Variants in SFXN5 observed in about 807,000 individuals in gnomAD.
SFXN5 encodes sideroflexin-5.
A neutral mutation model predicts 50.2 loss-of-function variants in SFXN5; 43 were observed. The observed-to-expected ratio is 0.86, with a 90% CI of 0.67 to 1.11. SFXN5 has a LOEUF of 1.11. SFXN5 is among the 50% of genes least tolerant of loss of function. SFXN5 has a pLI of 0.00. For missense variants in SFXN5, 463 were observed against 454.1 expected, an observed-to-expected ratio of 1.02 and a Z score of -0.18; for synonymous variants, 203 against 185.8, an observed-to-expected ratio of 1.09 and a Z score of -0.75.
chr2:73,010,850 A>C (rs949346689), intron 6 of SFXN5, among the ~76,000 whole-genome samples: 3 of 152,258 alleles, frequency 2.0e-5, no homozygotes, highest in Admixed American at 6.5e-5. Flanking sequence ...AGATCACTAT[A>C]TATGAAAACA....
rs933420865 is a variant in SFXN5 at position 73,016,431 on chromosome 2, G to A, written c.357+3808C>T. Reference sequence around the variant, plus strand: ...AGATATATCAAGTGGAAGAGCTGGGGCAGTGGCTCACACCTGTAATCCCAA... The same window carrying A: ...AGATATATCAAGTGGAAGAGCTGGGACAGTGGCTCACACCTGTAATCCCAA... On this transcript the variant is annotated intron_variant, in intron 6 of 13. Transcript: ENST00000272433. Among the ~76,000 whole-genome samples, 3 of 152,162 alleles carry A rather than the reference G, an allele frequency of 2.0e-5. No homozygotes were observed. In the East Asian group the frequency reaches 5.8e-4, roughly 29 times the overall value.
In SFXN5 at chr2:72,961,521, C is replaced by T. The variant is rs867796609; in HGVS notation, c.828-273G>A. Among the ~76,000 whole-genome samples the T allele has an allele frequency of 6.6e-6, 1 of 152,202 alleles. No individual in the cohort carries two copies. The highest frequency in any genetic ancestry group is 1.5e-5 in the Non-Finnish European group (1 of 68,030). On this transcript the variant is annotated intron_variant, in intron 12 of 13. Transcript: ENST00000272433. This position sits in a 1 kb window ranked among gnomAD's most constrained non-coding sequence, Gnocchi z 4.4. ...TACTCAGGTCACGAATGAGTACTTT[C>T]GGGGCACCCACCCGCCACGCGTCCA...
At chr2:73,060,025 T>C (rs968730907) in intron 1 of SFXN5, among the ~76,000 whole-genome samples, 3 of 152,172 alleles carry the variant, frequency 2.0e-5, no homozygotes, top group African/African-American at 7.2e-5. Flanking sequence ...TAAAATTTTA[T>C]GAAATGCATA....
chr2:72,982,602 G>A (rs1324926794), intron 10 of SFXN5, among the ~76,000 whole-genome samples: 1 of 152,204 alleles, frequency 6.6e-6, no homozygotes, highest in East Asian at 1.9e-4. Flanking sequence ...TAATGGGGGA[G>A]GCAGGCTTGG....
rs1430820461 is a variant in SFXN5 at position 72,950,761 on chromosome 2, T to G, written c.946-5662A>C. On this transcript the variant is annotated intron_variant, in intron 13 of 13. Coordinates refer to ENST00000272433, the MANE Select transcript of SFXN5 (RefSeq NM_144579.3). The surrounding 1 kb of genome is among the most constrained non-coding windows in gnomAD (Gnocchi z 4.2). Reference sequence around the variant, plus strand: ...AGGTCTGAGCAAAGGCAATAAAGCATCTCTTCCTGCTGCCCAACCAACTCC... The same window carrying G: ...AGGTCTGAGCAAAGGCAATAAAGCAGCTCTTCCTGCTGCCCAACCAACTCC... Among the ~76,000 whole-genome samples, 1 of 152,180 alleles carries G rather than the reference T, an allele frequency of 6.6e-6. No homozygotes were observed. Among genetic ancestry groups the G allele is most frequent in the African/African-American group, 2.4e-5 (1 of 41,440 alleles).
intron 2 of SFXN5, among the ~76,000 whole-genome samples, chr2:73,047,732 T>G (rs778901039): frequency 3.1e-4 from 47 of 152,170 alleles, no homozygotes; most frequent in Non-Finnish European, 5.7e-4. Context: ...ATGAGTCCAT[T>G]AAACCTCTTT....
chr2:72,988,443 AG>A, intron 9 of SFXN5, 95 bp from the exon 10 acceptor site: 1 of 1,066,006 alleles, frequency 9.4e-7, no homozygotes, highest in Non-Finnish European at 1.4e-6. Context: ...TCAGAGAGTG[AG>A]GGATGTCATC....
At chr2:73,000,573 C>G in intron 7 of SFXN5, 86 bp from the exon 8 acceptor site, 1 of 1,264,472 alleles carries the variant, frequency 7.9e-7, no homozygotes, top group South Asian at 1.3e-5. Flanking sequence ...CACACATCCC[C>G]AGAAAGGCAC....
intron 3 of SFXN5, among the ~76,000 whole-genome samples, chr2:73,033,439 C>G (rs1400992425): frequency 2.0e-5 from 3 of 152,138 alleles, no homozygotes; most frequent in African/African-American, 7.2e-5. Flanking sequence ...AAGAGGATAG[C>G]AAGTGTGAGC....
intron 13 of SFXN5, among the ~76,000 whole-genome samples, chr2:72,951,351 C>A (rs72918372): frequency 0.061 from 9,263 of 152,114 alleles, 743 homozygotes; most frequent in African/African-American, 0.19. Flanking sequence ...TCCTATCCAG[C>A]GTCTCCCCAG....
chr2:72,993,830 T>C (rs1421512089), intron 9 of SFXN5, among the ~76,000 whole-genome samples: 1 of 152,116 alleles, frequency 6.6e-6, no homozygotes, highest in African/African-American at 2.4e-5. Context: ...GGCCCTGTCT[T>C]ATAGGCGGCA....
intron 6 of SFXN5, among the ~76,000 whole-genome samples, chr2:73,018,625 T>C (rs558876595): frequency 2.8e-4 from 43 of 152,358 alleles, no homozygotes; most frequent in African/African-American, 1.0e-3. Context: ...AAATATTCTG[T>C]TCTCAATTAG....
At chr2:72,984,263 G>A (rs1022943466) in intron 10 of SFXN5, among the ~76,000 whole-genome samples, 1 of 152,266 alleles carries the variant, frequency 6.6e-6, no homozygotes, top group Non-Finnish European at 1.5e-5. Context: ...CTCTCTCCAA[G>A]GGGAGAGAAA....
At chr2:72,985,296 A>C (rs1173863751) in intron 10 of SFXN5, among the ~76,000 whole-genome samples, 1 of 152,032 alleles carries the variant, frequency 6.6e-6, no homozygotes, top group Non-Finnish European at 1.5e-5. Context: ...GGAGACCTGC[A>C]GTGAACCCCG....
intron 6 of SFXN5, among the ~76,000 whole-genome samples, chr2:73,002,820 C>T (rs1674081041): frequency 6.6e-6 from 1 of 151,744 alleles, no homozygotes; most frequent in Non-Finnish European, 1.5e-5. Context: ...TTTTTCTTTG[C>T]AGTGGCAGCT....
At chr2:73,065,343 C>T (rs1401662104) in intron 1 of SFXN5, among the ~76,000 whole-genome samples, 1 of 151,740 alleles carries the variant, frequency 6.6e-6, no homozygotes, top group Non-Finnish European at 1.5e-5. Context: ...TCAAGCAATC[C>T]TCCTGCCTTG....
At chr2:72,971,443 G>C in intron 11 of SFXN5, 127 bp downstream of exon 11, 1 of 627,234 alleles carries the variant, frequency 1.6e-6, no homozygotes, top group East Asian at 2.8e-5. Context: ...GGTGGGGTGA[G>C]GAGGAGACAT....
At chr2:72,979,507 A>T (rs2105507961) in intron 10 of SFXN5, among the ~76,000 whole-genome samples, 1 of 152,178 alleles carries the variant, frequency 6.6e-6, no homozygotes, top group Non-Finnish European at 1.5e-5. Flanking sequence ...GGTGGCATGC[A>T]CCTGTAATCC....
At chr2:72,982,216 A>G (rs998366253) in intron 10 of SFXN5, among the ~76,000 whole-genome samples, 1 of 152,114 alleles carries the variant, frequency 6.6e-6, no homozygotes, top group African/African-American at 2.4e-5. Context: ...CGGGGCCATA[A>G]TGGCCTGGAA....
Sources: allele counts gnomAD v4.1 joint callset (sites outside exome capture counted in the v4.1 genomes callset), GRCh38; gene constraint gnomAD v4.1.1; non-coding constraint Gnocchi (gnomAD v3.1); transcripts MANE v1.5; gene names NCBI Gene and HGNC (gene_info 2026-07-23, HGNC 2026-07-21).